Variants in PPP1R12A observed in about 807,000 individuals in gnomAD.
PPP1R12A encodes the protein protein phosphatase 1 regulatory subunit 12A.
Under a neutral mutation model 139.6 loss-of-function variants are expected in PPP1R12A, and 19 were observed. That is an observed-to-expected ratio of 0.14 (90% CI 0.09 to 0.20). PPP1R12A has a LOEUF of 0.20. PPP1R12A is among the 10% of genes least tolerant of loss of function. The pLI is 1.00. For synonymous variants in PPP1R12A, 427 were observed against 420.6 expected, an observed-to-expected ratio of 1.02 and a Z score of -0.19; for missense variants, 925 against 1,211.5, an observed-to-expected ratio of 0.76 and a Z score of 3.51.
At chr12:79,787,285 A>T (rs1871244384) in intron 21 of PPP1R12A, 1 of 152,316 alleles carries the variant, frequency 6.6e-6, no homozygotes, top group East Asian at 1.9e-4. Flanking sequence ...GCACTGCATG[A>T]TCTGGTCTCA....
chr12:79,832,217 T>A, intron 4 of PPP1R12A, 115 bp downstream of exon 4: 1 of 975,286 alleles, frequency 1.0e-6, no homozygotes, highest in Non-Finnish European at 1.4e-6. Flanking sequence ...AAAACAGGCA[T>A]TAAAGAACTC....
chr12:79,778,382 G>A (rs1267558464), intron 24 of PPP1R12A, 168 bp downstream of exon 24: 1 of 414,502 alleles, frequency 2.4e-6, no homozygotes, highest in Admixed American at 4.3e-5. Context: ...ACCCTCTTCT[G>A]GCTCACTAAA....
chr12:79,917,483 CAAAA>C (rs59586178), intron 1 of PPP1R12A, among the ~76,000 whole-genome samples: 5 of 78,884 alleles, frequency 6.3e-5, no homozygotes, highest in Non-Finnish European at 7.9e-5. Context: ...GACTCTGTCT[CAAAA>C]AAAAAAAAAA....
Position 79,798,394 on chromosome 12 carries a change from A to G in PPP1R12A, c.2091+100T>C, listed in dbSNP as rs966645582. 8 of 724,004 alleles carry G rather than the reference A, an allele frequency of 1.1e-5. No individual in the cohort carries two copies. In the African/African-American group the frequency reaches 1.4e-4, roughly 13 times the overall value. The allele number at this position is 724,004 out of a possible 1,614,324, so 44.8% of individuals were successfully genotyped here. On this transcript the variant is annotated intron_variant, in intron 15 of 24. Coordinates refer to ENST00000450142, the MANE Select transcript of PPP1R12A (RefSeq NM_002480.3). ...TACTGACATCAATATTTTCACAACA[A>G]AGTGAAAAAGAGAAAGGTAACTTGT...
chr12:79,807,777 C>T (rs1248626485), intron 11 of PPP1R12A, among the ~76,000 whole-genome samples: 1 of 152,036 alleles, frequency 6.6e-6, no homozygotes, highest in Non-Finnish European at 1.5e-5. Context: ...CAGTGGTTCA[C>T]ACCTGTAACC....
chr12:79,916,713 A>G (rs1887021914), intron 1 of PPP1R12A, among the ~76,000 whole-genome samples: 2 of 152,348 alleles, frequency 1.3e-5, no homozygotes, highest in South Asian at 4.1e-4. Flanking sequence ...GTCATTCCTC[A>G]TGAAATAAAA....
intron 1 of PPP1R12A, among the ~76,000 whole-genome samples, chr12:79,909,034 T>G (rs1445955461): frequency 6.6e-6 from 1 of 152,078 alleles, no homozygotes; most frequent in African/African-American, 2.4e-5. Context: ...CCAGGTATTC[T>G]TAAGGATACC....
At chr12:79,826,337 G>GTTTTTT (rs34658905) in intron 5 of PPP1R12A, among the ~76,000 whole-genome samples, 12 of 117,182 alleles carry the variant, frequency 1.0e-4, no homozygotes, top group African/African-American at 1.7e-4. Context: ...ATTGTTTCGG[G>GTTTTTT]TTTTTTTTTT....
chr12:79,857,715 G>GT (rs1470681687), intron 2 of PPP1R12A, among the ~76,000 whole-genome samples: 2 of 152,074 alleles, frequency 1.3e-5, no homozygotes, highest in Admixed American at 6.5e-5. Context: ...AGTCTACCAA[G>GT]TATTAGAGTT....
chr12:79,846,211 T>G lies in PPP1R12A; in HGVS notation c.369-791A>C, dbSNP rs185377173. Among the ~76,000 whole-genome samples, 149 of 152,384 alleles carry G rather than the reference T, an allele frequency of 9.8e-4. 4 individuals are homozygous for G. In the East Asian group the frequency reaches 0.025, roughly 25 times the overall value. On this transcript the variant is annotated intron_variant, in intron 2 of 24. Transcript: ENST00000450142. Reference sequence around the variant, plus strand: ...CAAATATATTTTTTAAATATTTTGATAAGTGCATTCCAATATAATTGGCTT... The same window carrying G: ...CAAATATATTTTTTAAATATTTTGAGAAGTGCATTCCAATATAATTGGCTT...
At chr12:79,906,824 T>C (rs545697752) in intron 1 of PPP1R12A, among the ~76,000 whole-genome samples, 1 of 152,134 alleles carries the variant, frequency 6.6e-6, no homozygotes, top group Admixed American at 6.5e-5. Context: ...TTTTGTATTT[T>C]TAGTAGAGAA....
intron 1 of PPP1R12A, among the ~76,000 whole-genome samples, chr12:79,927,433 C>T (rs1052908597): frequency 3.3e-5 from 5 of 152,116 alleles, no homozygotes; most frequent in Non-Finnish European, 7.4e-5. Flanking sequence ...TACTACTGCA[C>T]TTCAATTACC....
intron 5 of PPP1R12A, 104 bp from the exon 6 acceptor site, chr12:79,822,294 TTTTA>T: frequency 1.3e-6 from 1 of 777,046 alleles, no homozygotes; most frequent in Non-Finnish European, 2.0e-6. Flanking sequence ...GGATAACATT[TTTTA>T]CAGTGGTTAT....
intron 1 of PPP1R12A, among the ~76,000 whole-genome samples, chr12:79,902,051 G>A (rs1885693437): frequency 6.6e-6 from 1 of 152,186 alleles, no homozygotes; most frequent in Non-Finnish European, 1.5e-5. Flanking sequence ...AGATTAACAA[G>A]AGAAGAGACT....
intron 14 of PPP1R12A, among the ~76,000 whole-genome samples, chr12:79,800,711 A>G (rs545203981): frequency 1.1e-4 from 17 of 149,394 alleles, no homozygotes; most frequent in Non-Finnish European, 2.4e-4. Flanking sequence ...TGATCTAGTG[A>G]GTTTTCTTTA....
chr12:79,829,509 T>G (rs1877167517), intron 4 of PPP1R12A, among the ~76,000 whole-genome samples: 1 of 152,056 alleles, frequency 6.6e-6, no homozygotes, highest in Admixed American at 6.6e-5. Flanking sequence ...CTCACCCCAG[T>G]ACTACTCAAT....
chr12:79,873,886 A>G (rs1882829460), intron 1 of PPP1R12A, among the ~76,000 whole-genome samples: 2 of 152,322 alleles, frequency 1.3e-5, no homozygotes, highest in Non-Finnish European at 2.9e-5. Flanking sequence ...TCCATGCAAC[A>G]TTATGTCTAC....
chr12:79,873,230 A>AATAGTCTCT (rs1250692371), intron 1 of PPP1R12A, among the ~76,000 whole-genome samples: 1 of 152,166 alleles, frequency 6.6e-6, no homozygotes, highest in Non-Finnish European at 1.5e-5. Context: ...AAGTACTAAC[A>AATAGTCTCT]ATAGTCTCTA....
At chr12:79,823,517 T>C (rs1183827494) in intron 5 of PPP1R12A, among the ~76,000 whole-genome samples, 4 of 151,726 alleles carry the variant, frequency 2.6e-5, no homozygotes, top group Admixed American at 6.6e-5. Context: ...AAACAAACTA[T>C]AAGCTAGCCA....
Sources: allele counts gnomAD v4.1 joint callset (sites outside exome capture counted in the v4.1 genomes callset), GRCh38; gene constraint gnomAD v4.1.1; transcripts MANE v1.5; gene names NCBI Gene and HGNC (gene_info 2026-07-23, HGNC 2026-07-21).